Variants in PTPRT observed in about 807,000 individuals in gnomAD.
PTPRT encodes the protein receptor-type tyrosine-protein phosphatase T.
PTPRT carries 56 observed loss-of-function variants against 176.8 expected under a neutral mutation model. The ratio of observed to expected loss-of-function variants is 0.32; its 90% CI spans 0.26 to 0.40. The LOEUF is 0.40. Among genes scored for constraint, PTPRT ranks in the 10% least tolerant of loss-of-function variants. The probability of loss-of-function intolerance (pLI) is 1.00; values close to 1 mark genes in which losing one functional copy is unlikely to be tolerated. For missense variants in PTPRT, 1,540 were observed against 1,908.2 expected (o/e 0.81, Z 3.60); for synonymous variants, 783 against 739.0 (o/e 1.06, Z -0.96).
chr20:42,873,686 T>C (rs926668592), intron 2 of PTPRT, among the ~76,000 whole-genome samples: 1 of 147,978 alleles, frequency 6.8e-6, no homozygotes, highest in Middle Eastern at 3.5e-3. Flanking sequence ...GATTTTTTCA[T>C]ACTAAGTTTT....
intron 11 of PTPRT, among the ~76,000 whole-genome samples, chr20:42,347,845 G>C (rs2058217579): frequency 6.6e-6 from 1 of 152,172 alleles, no homozygotes; most frequent in Non-Finnish European, 1.5e-5. Context: ...TTTCTATTGT[G>C]CATGGGCAAA....
At chr20:42,276,533 ATATATATATATATATATATATATAT>A (rs2057037620) in intron 13 of PTPRT, among the ~76,000 whole-genome samples, 2 of 44,922 alleles carry the variant, frequency 4.5e-5, no homozygotes, top group Non-Finnish European at 8.8e-5. Context: ...ATATATATAT[ATATATATATATATATATATATATAT>A]AATGTTCTTG....
At chr20:43,092,175 A>C (rs2011904951) in intron 1 of PTPRT, among the ~76,000 whole-genome samples, 1 of 152,212 alleles carries the variant, frequency 6.6e-6, no homozygotes. Context: ...AAAGGAGAGA[A>C]AAATCAATCC....
chr20:42,927,826 TACAA>T (rs1255022168), intron 1 of PTPRT, among the ~76,000 whole-genome samples: 1 of 152,146 alleles, frequency 6.6e-6, no homozygotes, highest in Non-Finnish European at 1.5e-5. Context: ...ATTCCAATAA[TACAA>T]ACAGACGCTT....
At chr20:43,067,647 TGAG>T (rs1227990236) in intron 1 of PTPRT, among the ~76,000 whole-genome samples, 1 of 151,712 alleles carries the variant, frequency 6.6e-6, no homozygotes, top group Non-Finnish European at 1.5e-5. Context: ...GTTGGGTACC[TGAG>T]AAGAGGGTGG....
intron 8 of PTPRT, among the ~76,000 whole-genome samples, chr20:42,460,605 G>A (rs1448949780): frequency 1.3e-5 from 2 of 152,166 alleles, no homozygotes; most frequent in Admixed American, 1.3e-4. Flanking sequence ...GGAGACACCA[G>A]GTGGAGGTAA....
intron 13 of PTPRT, among the ~76,000 whole-genome samples, chr20:42,257,463 C>G (rs1436816151): frequency 6.6e-6 from 1 of 152,124 alleles, no homozygotes; most frequent in Non-Finnish European, 1.5e-5. Flanking sequence ...TGGTTTGGAT[C>G]TGTGTCTGCA....
intron 1 of PTPRT, among the ~76,000 whole-genome samples, chr20:42,958,378 A>G (rs1301218270): frequency 2.5e-4 from 8 of 32,200 alleles, no homozygotes; most frequent in Admixed American, 3.5e-4. Context: ...GGGAAGAAGA[A>G]AGCAAGGGAG....
At chr20:42,666,156 T>A (rs577942234) in intron 7 of PTPRT, among the ~76,000 whole-genome samples, 1 of 152,298 alleles carries the variant, frequency 6.6e-6, no homozygotes, top group Admixed American at 6.5e-5. Flanking sequence ...ATTAGTTATG[T>A]AACATCTCAT....
chr20:43,117,803 T>C (rs1373875540), intron 1 of PTPRT, among the ~76,000 whole-genome samples: 5 of 152,146 alleles, frequency 3.3e-5, no homozygotes, highest in African/African-American at 4.8e-5. Context: ...ACAACATAGA[T>C]AGGAAGCAAT....
At chr20:42,716,238 T>TA (rs1287778804) in intron 6 of PTPRT, among the ~76,000 whole-genome samples, 4 of 151,824 alleles carry the variant, frequency 2.6e-5, no homozygotes, top group Middle Eastern at 3.4e-3. Context: ...AATTGCTATT[T>TA]AAAAAAAAAT....
intron 7 of PTPRT, among the ~76,000 whole-genome samples, chr20:42,479,165 A>T (rs1477110174): frequency 6.6e-6 from 1 of 152,250 alleles, no homozygotes; most frequent in Non-Finnish European, 1.5e-5. Context: ...ACATCTTATT[A>T]AAAAAGAAGC....
intron 1 of PTPRT, among the ~76,000 whole-genome samples, chr20:43,069,355 C>G (rs1394838999): frequency 6.6e-6 from 1 of 152,200 alleles, no homozygotes; most frequent in Non-Finnish European, 1.5e-5. Context: ...AGTGCTATAA[C>G]CATCTCCATC....
intron 1 of PTPRT, among the ~76,000 whole-genome samples, chr20:43,118,069 C>T (rs1431617739): frequency 3.3e-5 from 5 of 152,118 alleles, no homozygotes; most frequent in Non-Finnish European, 5.9e-5. Flanking sequence ...AAACAGGGAT[C>T]AGCAAAATTC....
rs564681026 is a variant in PTPRT at position 42,588,681 on chromosome 20, A to T, written c.1153+89185T>A. Among the ~76,000 whole-genome samples, 6 of 152,348 alleles carry T rather than the reference A, an allele frequency of 3.9e-5. No individual in the cohort carries two copies. In the South Asian group the frequency reaches 1.0e-3, roughly 26 times the overall value. Reference sequence around the variant, plus strand: ...TTAATTGCACCTGGTTCCTATTTTTAAAAATATAGCTACTAGAAAATTTTA... The same window carrying T: ...TTAATTGCACCTGGTTCCTATTTTTTAAAATATAGCTACTAGAAAATTTTA... On this transcript the variant is annotated intron_variant, in intron 7 of 30. Transcript: ENST00000373187.
intron 1 of PTPRT, among the ~76,000 whole-genome samples, chr20:42,954,939 G>A (rs952867570): frequency 6.6e-6 from 1 of 151,762 alleles, no homozygotes; most frequent in Non-Finnish European, 1.5e-5. Context: ...GAGGAAGAGG[G>A]AGAAGGGAGA....
chr20:42,143,975 C>G (rs1988750386), intron 17 of PTPRT, among the ~76,000 whole-genome samples: 1 of 152,192 alleles, frequency 6.6e-6, no homozygotes, highest in South Asian at 2.1e-4. Context: ...TGGAAACTCC[C>G]CAGCATTTCT....
chr20:42,269,098 G>C (rs991124724), intron 13 of PTPRT, among the ~76,000 whole-genome samples: 5 of 152,120 alleles, frequency 3.3e-5, no homozygotes, highest in African/African-American at 1.2e-4. Context: ...CCTTTACCCA[G>C]GGCTCAGGTA....
chr20:43,097,310 C>G (rs981587155), intron 1 of PTPRT, among the ~76,000 whole-genome samples: 1 of 152,222 alleles, frequency 6.6e-6, no homozygotes, highest in Non-Finnish European at 1.5e-5. Context: ...CCTCTTTTTC[C>G]CCACTCAGAA....
Sources: allele counts gnomAD v4.1 joint callset (sites outside exome capture counted in the v4.1 genomes callset), GRCh38; gene constraint gnomAD v4.1.1; transcripts MANE v1.5; gene names NCBI Gene and HGNC (gene_info 2026-07-23, HGNC 2026-07-21).